HIVEP3: variants seen among roughly 807,000 people sequenced by gnomAD.
The protein encoded by HIVEP3 is HIVEP zinc finger 3.
Under a neutral mutation model 152.8 loss-of-function variants are expected in HIVEP3, and 49 were observed. That is an observed-to-expected ratio of 0.32 (90% CI 0.26 to 0.41). The LOEUF is 0.41. Ranked by LOEUF, HIVEP3 falls within the 10% of genes least tolerant of loss-of-function variation. The pLI, the probability that HIVEP3 is intolerant of heterozygous loss-of-function variation, is 1.00. For missense variants in HIVEP3, 2,790 were observed against 3,103.3 expected, an observed-to-expected ratio of 0.90 and a Z score of 2.40; for synonymous variants, 1,269 against 1,289.0, an observed-to-expected ratio of 0.98 and a Z score of 0.33.
chr1:42,025,690 G>A (rs1036228810), intron 1 of HIVEP3, among the ~76,000 whole-genome samples: 11 of 152,222 alleles, frequency 7.2e-5, no homozygotes, highest in African/African-American at 2.7e-4. Context: ...CCTGGAACTG[G>A]TTCTACCTTA....
intron 1 of HIVEP3, among the ~76,000 whole-genome samples, chr1:41,725,453 T>C (rs1188088699): frequency 6.6e-6 from 1 of 152,210 alleles, no homozygotes; most frequent in Non-Finnish European, 1.5e-5. Context: ...TGTGCGGACC[T>C]ACCTAATGCA....
rs117529297 is a variant in HIVEP3, at chr1:41,958,548, C to T, written n.120-40024G>A. Among the ~76,000 whole-genome samples the T allele has an allele frequency of 7.7e-4, 118 of 152,264 alleles. 1 individual carries two copies. In the East Asian group the frequency reaches 8.7e-3, roughly 11 times the overall value. Reference sequence around the variant, plus strand: ...ACCCCAGGTTTCACATGAGCAGGGCCGGGGGTCACAAGCTGCAGGGGCAGA... The same window carrying T: ...ACCCCAGGTTTCACATGAGCAGGGCTGGGGGTCACAAGCTGCAGGGGCAGA... On this transcript the variant is annotated intron_variant and non_coding_transcript_variant, in intron 1 of 3. Coordinates refer to the HIVEP3 transcript ENST00000489103.
At chr1:41,986,444 T>A (rs1196363409) in intron 1 of HIVEP3, among the ~76,000 whole-genome samples, 3 of 150,076 alleles carry the variant, frequency 2.0e-5, no homozygotes, top group Non-Finnish European at 4.5e-5. Context: ...AGGACTTTTT[T>A]TTTTTTTTTT....
chr1:41,695,175 G>A (rs1646253909), intron 2 of HIVEP3, among the ~76,000 whole-genome samples: 1 of 152,222 alleles, frequency 6.6e-6, no homozygotes, highest in Non-Finnish European at 1.5e-5. Context: ...CTATGGGACT[G>A]GGGAGTGGAG....
intron 1 of HIVEP3, among the ~76,000 whole-genome samples, chr1:41,837,598 T>TTA (rs1442268985): frequency 6.6e-6 from 1 of 152,234 alleles, no homozygotes; most frequent in Non-Finnish European, 1.5e-5. Context: ...AGTGCTGGGA[T>TTA]TATAAGCAAG....
At chr1:41,914,344 AG>A (rs1269122123) in intron 1 of HIVEP3, among the ~76,000 whole-genome samples, 1 of 152,138 alleles carries the variant, frequency 6.6e-6, no homozygotes, top group Non-Finnish European at 1.5e-5. Flanking sequence ...GAGAGTTCTG[AG>A]TATTTGTGAT....
chr1:41,921,358 T>C (rs894756359), upstream of HIVEP3, among the ~76,000 whole-genome samples: 3 of 152,300 alleles, frequency 2.0e-5, no homozygotes, highest in Admixed American at 2.0e-4. Flanking sequence ...TGGGAGGTAA[T>C]TGAATCATGG....
At chr1:41,802,378 G>A (rs970871971) in intron 1 of HIVEP3, among the ~76,000 whole-genome samples, 4 of 152,042 alleles carry the variant, frequency 2.6e-5, no homozygotes, top group Non-Finnish European at 5.9e-5. Context: ...ACCACACCTG[G>A]CTAACTTTTT....
At chr1:42,023,051 CAT>C (rs764956155) in intron 1 of HIVEP3, among the ~76,000 whole-genome samples, 5 of 151,994 alleles carry the variant, frequency 3.3e-5, no homozygotes, top group Non-Finnish European at 4.4e-5. Context: ...TTTATTTTGA[CAT>C]AGAGTCTCAC....
At chr1:41,661,969 G>A (rs1000639362) in intron 2 of HIVEP3, among the ~76,000 whole-genome samples, 2 of 152,154 alleles carry the variant, frequency 1.3e-5, no homozygotes, top group Admixed American at 6.5e-5. Context: ...TCACTCCAAG[G>A]GTCCCGGGAG....
At chr1:41,804,429 A>T (rs777251255) in intron 1 of HIVEP3, among the ~76,000 whole-genome samples, 24 of 152,250 alleles carry the variant, frequency 1.6e-4, no homozygotes, top group Non-Finnish European at 2.9e-4. Context: ...CTGCCAGATA[A>T]GGCTGGCTGT....
At chr1:42,034,083 A>C (rs1645627951) in intron 1 of HIVEP3, among the ~76,000 whole-genome samples, 1 of 152,262 alleles carries the variant, frequency 6.6e-6, no homozygotes, top group Admixed American at 6.5e-5. Flanking sequence ...ATAGGCTGGC[A>C]AATCAAAACC....
chr1:41,681,562 T>G (rs1288648917), intron 2 of HIVEP3, among the ~76,000 whole-genome samples: 1 of 152,174 alleles, frequency 6.6e-6, no homozygotes, highest in Non-Finnish European at 1.5e-5. Flanking sequence ...CAGGGTTAGT[T>G]TGTGAGCCAC....
Position 41,690,126 on chromosome 1 carries a change from T to A in HIVEP3, c.-721+10790A>T, listed in dbSNP as rs146480006. On this transcript the variant is annotated intron_variant, in intron 2 of 8. Coordinates refer to ENST00000372583, the MANE Select transcript of HIVEP3 (RefSeq NM_024503.5). ...GATTGTTTTGGGTGCTGGGAAAAAA[T>A]GGTTTCTGACACCAGCTTATGGCAG... Among the ~76,000 whole-genome samples, 836 of 152,294 alleles carry A rather than the reference T, an allele frequency of 5.5e-3. 11 individuals are homozygous for A. The highest frequency in any genetic ancestry group is 0.019 in the African/African-American group (803 of 41,558).
intron 1 of HIVEP3, among the ~76,000 whole-genome samples, chr1:41,929,706 G>A (rs1644986095): frequency 8.5e-6 from 1 of 117,332 alleles, no homozygotes; most frequent in South Asian, 3.0e-4. Context: ...GTATATGTGT[G>A]AGTGTGTGTA....
intron 1 of HIVEP3, among the ~76,000 whole-genome samples, chr1:41,937,456 C>A (rs921167599): frequency 6.6e-6 from 1 of 152,120 alleles, no homozygotes; most frequent in African/African-American, 2.4e-5. Context: ...GGATCGAAGG[C>A]CTTGACCTGC....
chr1:41,727,271 G>A (rs1646766519), intron 1 of HIVEP3, among the ~76,000 whole-genome samples: 2 of 152,206 alleles, frequency 1.3e-5, no homozygotes, highest in African/African-American at 4.8e-5. Context: ...AGGCTAAGCA[G>A]GGAACCTGGG....
intron 2 of HIVEP3, among the ~76,000 whole-genome samples, chr1:41,633,633 T>C (rs1645228269): frequency 6.6e-6 from 1 of 152,158 alleles, no homozygotes; most frequent in African/African-American, 2.4e-5. Flanking sequence ...CATCTACTCT[T>C]CAATCAACAG....
At chr1:41,555,603 C>G (rs1453611779) in intron 5 of HIVEP3, among the ~76,000 whole-genome samples, 1 of 152,238 alleles carries the variant, frequency 6.6e-6, no homozygotes, top group Non-Finnish European at 1.5e-5. Flanking sequence ...CTGCAGACCA[C>G]AGCTGTTCCT....
Sources: gnomAD v4.1 joint callset for allele counts (sites outside exome capture counted in the v4.1 genomes callset) on GRCh38, gnomAD v4.1.1 for gene constraint, MANE v1.5 for transcripts, NCBI Gene and HGNC (gene_info 2026-07-23, HGNC 2026-07-21) for gene names.